Variants in COL5A3 observed in about 807,000 individuals in gnomAD.
COL5A3 encodes the protein collagen type V alpha 3 chain, also known as collagen alpha-3(V) chain.
A neutral mutation model predicts 250.0 loss-of-function variants in COL5A3; 172 were observed. That is an observed-to-expected ratio of 0.69 (90% CI 0.61 to 0.78). COL5A3 has a LOEUF of 0.78. COL5A3 is among the 30% of genes least tolerant of loss of function. The pLI is 0.00. For synonymous variants in COL5A3, 937 were observed against 900.4 expected (o/e 1.04, Z -0.73); for missense variants, 2,340 against 2,334.4 (o/e 1.00, Z -0.05).
Position 9,971,187 on chromosome 19 carries a change from G to A in COL5A3, c.3828+18C>T. ...GAATTAGGAAATATGCCAGGATTGG[G>A]GAGGGGGTCACACTCACTGAAACTC... On this transcript the variant is annotated intron_variant, in intron 52 of 66. Coordinates refer to ENST00000264828, the MANE Select transcript of COL5A3 (RefSeq NM_015719.4). The A allele has an allele frequency of 6.5e-7, 1 of 1,549,724 alleles. No homozygotes were observed. The highest frequency in any genetic ancestry group is 1.2e-5 in the South Asian group (1 of 81,602).
intron 8 of COL5A3, among the ~76,000 whole-genome samples, chr19:9,998,842 G>A (rs552809536): frequency 4.6e-5 from 7 of 151,456 alleles, no homozygotes; most frequent in African/African-American, 1.7e-4. Context: ...CCGCCAACAC[G>A]CCTGGCTAAT....
At chr19:9,996,176 C>T (rs768698967) in intron 14 of COL5A3, 30 bp downstream of exon 14, 5 of 1,556,486 alleles carry the variant, frequency 3.2e-6, no homozygotes, top group Non-Finnish European at 3.5e-6. Context: ...AATGCATGCA[C>T]CGCCCCCTCC....
In COL5A3 at chr19:9,995,587, G is replaced by A. The variant is rs1319230738; in HGVS notation, c.1564C>T (p.Pro522Ser). Residue 522 changes from proline to serine, a missense_variant, in exon 16 of 67, where the codon CCC becomes TCC. Physicochemically the swap from Pro to Ser is moderately conservative, Grantham distance 74 (BLOSUM62 -1). This residue lies in a region of COL5A3 where 1,152 missense variants were observed against 1,146.3 expected (regional missense o/e 1.00). Coordinates refer to ENST00000264828, the MANE Select transcript of COL5A3 (RefSeq NM_015719.4). ...ACCATCTTGCCCACTCGGCCAGGGGGTCCATGAGGTCCCTGCAGGCCTCGG... is the reference window on the plus strand; with the variant it reads ...ACCATCTTGCCCACTCGGCCAGGGGATCCATGAGGTCCCTGCAGGCCTCGG... The part of the protein sequence containing the change: ...GPRGLQGPHG[P>S]PGRVGKMGRP... The A allele has an allele frequency of 2.5e-6, 4 of 1,608,128 alleles. No individual in the cohort carries two copies. Among genetic ancestry groups the A allele is most frequent in the African/African-American group, 2.7e-5 (2 of 74,726 alleles).
chr19:10,004,309 C>T (rs2087408899), intron 4 of COL5A3, among the ~76,000 whole-genome samples, 164 bp from the exon 5 acceptor site: 1 of 152,024 alleles, frequency 6.6e-6, no homozygotes, highest in South Asian at 2.1e-4. Flanking sequence ...CATCACAGCC[C>T]TAGTGATCTC....
intron 1 of COL5A3, among the ~76,000 whole-genome samples, chr19:10,006,555 T>G (rs1026817742): frequency 6.6e-6 from 1 of 151,910 alleles, no homozygotes; most frequent in Non-Finnish European, 1.5e-5. Flanking sequence ...ACGGTCCCCC[T>G]CTCCCTGCTC....
In COL5A3 at chr19:9,992,827, C is replaced by T. The variant is rs752232759; in HGVS notation, c.1848G>A (p.Pro616=). 1.2e-5 allele frequency: 19 copies of T among 1,613,778 alleles called. No individual in the cohort carries two copies. Among genetic ancestry groups the T allele is most frequent in the Admixed American group, 6.7e-5 (4 of 60,004 alleles). ...PRGSPGPTGR[P]GVTGIDGAPG... ...GATGCAGAGAGCCAGTGACACTCAC[C>T]GGGCGACCCGTGGGGCCAGGAGAGC... The change falls in exon 21 of 67, where the codon CCG becomes CCA. Residue 616 remains proline, a splice_region_variant and synonymous_variant. Transcript: ENST00000264828.
intron 8 of COL5A3, 116 bp from the exon 9 acceptor site, chr19:9,998,265 A>T: frequency 9.7e-7 from 1 of 1,028,354 alleles, no homozygotes; most frequent in Non-Finnish European, 1.4e-6. Flanking sequence ...CACGGAGTCC[A>T]CCCTCAGAGC....
intron 35 of COL5A3, 57 bp from the exon 36 acceptor site, chr19:9,980,104 G>A: frequency 4.0e-6 from 6 of 1,488,996 alleles, no homozygotes; most frequent in Non-Finnish European, 5.4e-6. Flanking sequence ...CCCACTCCCT[G>A]AGCCCCACAT....
intron 35 of COL5A3, among the ~76,000 whole-genome samples, chr19:9,980,297 C>T (rs900725796): frequency 6.6e-6 from 1 of 152,196 alleles, no homozygotes; most frequent in African/African-American, 2.4e-5. Flanking sequence ...CCCAAGGTCA[C>T]ACAGTAGGTG....
Position 9,989,412 on chromosome 19 carries a change from T to A in COL5A3, c.2047-46A>T, listed in dbSNP as rs368550741. 3 of 1,613,828 alleles carry A rather than the reference T, an allele frequency of 1.9e-6. No homozygotes were observed. In the African/African-American group the frequency reaches 4.0e-5, roughly 22 times the overall value. On this transcript the variant is annotated intron_variant, in intron 25 of 66. Coordinates refer to ENST00000264828, the MANE Select transcript of COL5A3 (RefSeq NM_015719.4). ...GTTGTCAGAGACCAAAACTTGCCAT[T>A]CCAATTCCCAAGGCTCCCCTTTCTC...
At chr19:10,007,502 A>G (rs935079419) in intron 1 of COL5A3, among the ~76,000 whole-genome samples, 1 of 152,376 alleles carries the variant, frequency 6.6e-6, no homozygotes, top group African/African-American at 2.4e-5. Flanking sequence ...AAGTGGAACC[A>G]CATGGCTTGG....
In COL5A3 at chr19:10,005,581, C is replaced by G. The variant is rs766451854; in HGVS notation, c.571G>C (p.Asp191His). The G allele has an allele frequency of 5.0e-6, 8 of 1,614,228 alleles. No individual in the cohort carries two copies. Among genetic ancestry groups the G allele is most frequent in the Non-Finnish European group, 6.8e-6 (8 of 1,180,044 alleles). ...ACCTCGAAAGTCTTTTCCCCAAGGTCCTGGGTCCCCAGCACAGTGAGTCCA... is the reference window on the plus strand; with the variant it reads ...ACCTCGAAAGTCTTTTCCCCAAGGTGCTGGGTCCCCAGCACAGTGAGTCCA... ...IAGLTVLGTQ[D>H]LGEKTFEGDI... The change falls in exon 4 of 67, where the codon GAC becomes CAC. Residue 191 changes from aspartate (D) to histidine (H), a missense_variant. By Grantham distance (81) the Asp-to-His change is moderately conservative. Around this residue, in one of 3 missense-constraint regions of COL5A3, gnomAD observed 1,152 missense variants for 1,146.3 expected, o/e 1.00. Coordinates refer to ENST00000264828, the MANE Select transcript of COL5A3 (RefSeq NM_015719.4).
rs1382458059 is a variant in COL5A3 at position 10,005,592 on chromosome 19, A to T, written c.560T>A (p.Leu187Gln). ...RFISIAGLTV[L>Q]GTQDLGEKTF... is the part of the protein sequence containing the mutation. The stretch of plus-strand genomic sequence containing the variant: ...CTTTTCCCCAAGGTCCTGGGTCCCC[A>T]GCACAGTGAGTCCAGCTATGCTGAT... The change falls in exon 4 of 67, where the codon CTG becomes CAG. Residue 187 changes from leucine to glutamine, a missense_variant. Physicochemically the swap from Leu to Gln is moderately radical, Grantham distance 113. Transcript: ENST00000264828. The T allele has an allele frequency of 3.1e-6, 5 of 1,614,068 alleles. No individual in the cohort carries two copies. The African/African-American group carries it at 6.7e-5, about 22-fold the overall frequency.
At chr19:9,994,935 T>C (rs999707262) in intron 16 of COL5A3, among the ~76,000 whole-genome samples, 5 of 152,076 alleles carry the variant, frequency 3.3e-5, no homozygotes, top group African/African-American at 1.2e-4. Flanking sequence ...TTATTATTTT[T>C]TGAGACACAA....
At chr19:9,976,076 G>A (rs527959709) in intron 45 of COL5A3, among the ~76,000 whole-genome samples, 1 of 151,226 alleles carries the variant, frequency 6.6e-6, no homozygotes, top group South Asian at 2.1e-4. Context: ...TTCACATTGG[G>A]TGTCAGCATT....
At chr19:9,977,517 T>G (rs747159511) in intron 42 of COL5A3, 45 bp from the exon 43 acceptor site, 8 of 1,505,640 alleles carry the variant, frequency 5.3e-6, no homozygotes, top group Non-Finnish European at 7.1e-6. Context: ...AGGAATGTCC[T>G]GCAGGAGCCA....
chr19:9,980,934 G>A (rs2087000706), intron 33 of COL5A3, 75 bp from the exon 34 acceptor site: 15 of 1,532,332 alleles, frequency 9.8e-6, no homozygotes, highest in South Asian at 5.8e-5. Context: ...AGTCTTCCAG[G>A]TCCCCTCCCC....
chr19:9,977,737 G>A, intron 41 of COL5A3, 36 bp from the exon 42 acceptor site: 2 of 1,465,712 alleles, frequency 1.4e-6, no homozygotes, highest in Non-Finnish European at 1.8e-6. Context: ...TATAATACCA[G>A]TAGTAGCTGT....
At chr19:9,998,232 G>T in intron 8 of COL5A3, 83 bp from the exon 9 acceptor site, 2 of 1,014,796 alleles carry the variant, frequency 2.0e-6, no homozygotes, top group South Asian at 1.6e-5. Flanking sequence ...ACACACACTT[G>T]CACACACACA....
Sources: gnomAD v4.1 joint callset for allele counts (sites outside exome capture counted in the v4.1 genomes callset) on GRCh38, gnomAD v4.1.1 for gene constraint, gnomAD v4.1.1 regional missense constraint, MANE v1.5 for transcripts, NCBI Gene and HGNC (gene_info 2026-07-23, HGNC 2026-07-21) for gene names.